Variants in NELL1 observed in about 807,000 individuals in gnomAD.
NELL1 encodes the protein neural EGFL like 1, also known as protein kinase C-binding protein NELL1.
In NELL1, 76 loss-of-function variants were observed where a neutral mutation model predicts 107.4. That is an observed-to-expected ratio of 0.71 (90% confidence interval 0.59 to 0.86). The LOEUF (loss-of-function observed/expected upper bound fraction) is 0.86, where lower values mean the gene tolerates loss of function less well. Among genes scored for constraint, NELL1 ranks in the 40% least tolerant of loss-of-function variants. The pLI, the probability that NELL1 is intolerant of heterozygous loss-of-function variation, is 0.00. For missense variants in NELL1, 1,024 were observed against 1,005.5 expected, an observed-to-expected ratio of 1.02 and a Z score of -0.25; for synonymous variants, 353 against 341.2, an observed-to-expected ratio of 1.03 and a Z score of -0.38.
chr11:21,366,093 T>C (rs1851213184), intron 14 of NELL1, among the ~76,000 whole-genome samples: 1 of 152,128 alleles, frequency 6.6e-6, no homozygotes, highest in African/African-American at 2.4e-5. Flanking sequence ...AAATATGCTC[T>C]GAACAAGGTG....
At chr11:21,315,896 T>A (rs201534575) in intron 14 of NELL1, among the ~76,000 whole-genome samples, 92,208 of 150,426 alleles carry the variant, frequency 0.61, 28,497 homozygotes, top group African/African-American at 0.67. Flanking sequence ...TGTGAGTGTG[T>A]GTGTGTGTGT....
chr11:21,323,145 T>G (rs926255999), intron 14 of NELL1, among the ~76,000 whole-genome samples: 1 of 152,196 alleles, frequency 6.6e-6, no homozygotes, highest in African/African-American at 2.4e-5. Flanking sequence ...GCTTTTGAAG[T>G]GGCTTTATTA....
chr11:21,027,282 CTAGTTTAGTT>C (rs60300243), intron 12 of NELL1, among the ~76,000 whole-genome samples: 19,847 of 140,866 alleles, frequency 0.14, 1,549 homozygotes, highest in Admixed American at 0.22. Context: ...TGGGAAAAGC[CTAGTTTAGTT>C]TAGTTTAGTT....
chr11:20,866,666 C>A (rs1170939253), intron 4 of NELL1, among the ~76,000 whole-genome samples: 2 of 152,130 alleles, frequency 1.3e-5, no homozygotes, highest in Non-Finnish European at 2.9e-5. Context: ...CCTTGGAAGG[C>A]CTTGTGCATG....
At chr11:20,836,077 A>G (rs899091987) in intron 3 of NELL1, among the ~76,000 whole-genome samples, 1 of 152,158 alleles carries the variant, frequency 6.6e-6, no homozygotes, top group Non-Finnish European at 1.5e-5. Flanking sequence ...TTGAAACTCA[A>G]CAATAAGTAA....
chr11:21,318,136 T>C (rs112788616), intron 14 of NELL1, among the ~76,000 whole-genome samples: 37 of 152,298 alleles, frequency 2.4e-4, no homozygotes, highest in African/African-American at 7.9e-4. Context: ...CCTATAAGGA[T>C]ATTAATTTGT....
At chr11:20,774,582 T>G (rs1856712547) in intron 2 of NELL1, among the ~76,000 whole-genome samples, 1 of 152,094 alleles carries the variant, frequency 6.6e-6, no homozygotes, top group African/African-American at 2.4e-5. Flanking sequence ...CCATTCACTT[T>G]TGTTTGTGTC....
chr11:21,435,786 G>C (rs1590930516), intron 15 of NELL1, among the ~76,000 whole-genome samples: 1 of 150,010 alleles, frequency 6.7e-6, no homozygotes, highest in Admixed American at 6.6e-5. Context: ...TACTTTGTGT[G>C]TGTGTGTGTT....
intron 12 of NELL1, among the ~76,000 whole-genome samples, chr11:21,030,248 G>T (rs950870267): frequency 4.6e-5 from 7 of 152,106 alleles, no homozygotes; most frequent in Non-Finnish European, 1.0e-4. Context: ...GGCCAGGAAG[G>T]GTCCCTGATT....
rs551574834 is a variant in NELL1 at position 21,007,632 on chromosome 11, C to A, written c.1300+47072C>A. On this transcript the variant is annotated intron_variant, in intron 12 of 19. Coordinates refer to ENST00000357134, the MANE Select transcript of NELL1 (RefSeq NM_006157.5). ...AGAAACAAGGCAGCCAGATTCCATC[C>A]TTTTGGTGTCTCGGTGATGGGTTTG... Among the ~76,000 whole-genome samples, 3 of 151,910 alleles carry A rather than the reference C, an allele frequency of 2.0e-5. No homozygotes were observed. In the East Asian group the frequency reaches 5.8e-4, roughly 29 times the overall value.
At chr11:20,893,099 T>G (rs1018907090) in intron 5 of NELL1, among the ~76,000 whole-genome samples, 2 of 152,104 alleles carry the variant, frequency 1.3e-5, no homozygotes, top group African/African-American at 4.8e-5. Flanking sequence ...TGAGATCATG[T>G]CCTTTGCAGA....
chr11:21,112,086 T>A (rs532158011), intron 12 of NELL1, among the ~76,000 whole-genome samples: 1 of 152,182 alleles, frequency 6.6e-6, no homozygotes, highest in African/African-American at 2.4e-5. Flanking sequence ...GGAAGTTGAG[T>A]TCCCCAGGAA....
At chr11:21,032,754 T>C (rs1303662556) in intron 12 of NELL1, among the ~76,000 whole-genome samples, 1 of 152,216 alleles carries the variant, frequency 6.6e-6, no homozygotes, top group East Asian at 1.9e-4. Flanking sequence ...CTTTTAGTTC[T>C]AATTTGTTTT....
At chr11:20,682,334 A>G (rs1398287823) in intron 2 of NELL1, among the ~76,000 whole-genome samples, 5 of 152,022 alleles carry the variant, frequency 3.3e-5, no homozygotes, top group Non-Finnish European at 7.4e-5. Flanking sequence ...CCAACATATA[A>G]AAAATATTAT....
chr11:21,035,446 C>G (rs1230910698), intron 12 of NELL1, among the ~76,000 whole-genome samples: 1 of 150,832 alleles, frequency 6.6e-6, no homozygotes, highest in African/African-American at 2.4e-5. Flanking sequence ...GGCCAATATC[C>G]TTGATGAACA....
intron 2 of NELL1, among the ~76,000 whole-genome samples, chr11:20,689,002 C>T (rs566480964): frequency 6.6e-6 from 1 of 152,262 alleles, no homozygotes; most frequent in African/African-American, 2.4e-5. Flanking sequence ...TTTGGATTTG[C>T]ATCTCTCTAA....
At chr11:20,986,251 A>G (rs974954565) in intron 12 of NELL1, among the ~76,000 whole-genome samples, 1 of 152,222 alleles carries the variant, frequency 6.6e-6, no homozygotes, top group African/African-American at 2.4e-5. Context: ...ATGTTAGATC[A>G]GGACTTTTCA....
At chr11:21,061,977 C>T (rs528219365) in intron 12 of NELL1, among the ~76,000 whole-genome samples, 31 of 152,290 alleles carry the variant, frequency 2.0e-4, no homozygotes, top group African/African-American at 6.7e-4. Flanking sequence ...GTGAGTTAGG[C>T]AGGACTTGCC....
chr11:21,367,316 A>G (rs1274258925), intron 14 of NELL1, among the ~76,000 whole-genome samples: 1 of 151,514 alleles, frequency 6.6e-6, no homozygotes, highest in African/African-American at 2.4e-5. Flanking sequence ...TATTTTTGCC[A>G]CACTTCAGAA....
Sources: allele counts gnomAD v4.1 joint callset (sites outside exome capture counted in the v4.1 genomes callset), GRCh38; gene constraint gnomAD v4.1.1; transcripts MANE v1.5; gene names NCBI Gene and HGNC (gene_info 2026-07-23, HGNC 2026-07-21).